The following PLCL1 variants were observed in gnomAD, a reference collection of about 807,000 sequenced individuals.
PLCL1 encodes inactive phospholipase C-like protein 1.
In PLCL1, 41 loss-of-function variants were observed where a neutral mutation model predicts 84.4. That is an observed-to-expected ratio of 0.49 (90% CI 0.38 to 0.63). PLCL1 has a LOEUF of 0.63. Among genes scored for constraint, PLCL1 ranks in the 30% least tolerant of loss-of-function variants. The pLI, the probability that PLCL1 is intolerant of heterozygous loss-of-function variation, is 0.00. For missense variants in PLCL1, 1,206 were observed against 1,367.8 expected (o/e 0.88, Z 1.87); for synonymous variants, 490 against 488.3 (o/e 1.00, Z -0.05).
intron 1 of PLCL1, among the ~76,000 whole-genome samples, chr2:198,011,029 A>G (rs1417337726): frequency 6.6e-6 from 1 of 151,542 alleles, no homozygotes; most frequent in African/African-American, 2.4e-5. Flanking sequence ...TTGTTAGTCT[A>G]GCTAAGGATT....
Position 198,085,425 on chromosome 2 carries a change from G to A in PLCL1, c.1908G>A (p.Lys636=), listed in dbSNP as rs748883786. 1 of 1,612,916 alleles carries A rather than the reference G, an allele frequency of 6.2e-7. No individual in the cohort carries two copies. Among genetic ancestry groups the A allele is most frequent in the Non-Finnish European group, 8.5e-7 (1 of 1,179,028 alleles). Residue 636 remains lysine (K), a synonymous_variant, in exon 2 of 6, where the codon AAG becomes AAA. Transcript: ENST00000428675. The surrounding 1 kb of genome is among the most constrained non-coding windows in gnomAD (Gnocchi z 5.3). ...CAGAGGATTTTGTTAATTATAATAAGAAGTTCTTATCAAGAATCTATCCAA... is the reference window on the plus strand; with the variant it reads ...CAGAGGATTTTGTTAATTATAATAAAAAGTTCTTATCAAGAATCTATCCAA... The part of the protein sequence containing the change: ...EYPEDFVNYN[K]KFLSRIYPSA...
rs75903087 is a variant in PLCL1 at position 198,052,810 on chromosome 2, G to A, written c.241-30948G>A. Among the ~76,000 whole-genome samples the A allele has an allele frequency of 2.8e-3, 422 of 152,268 alleles. 3 individuals carry two copies. Among genetic ancestry groups the A allele is most frequent in the African/African-American group, 9.5e-3 (394 of 41,550 alleles). On this transcript the variant is annotated intron_variant, in intron 1 of 5. Transcript: ENST00000428675. ...TGGCAGGGAAGAAGGGACTGACTAG[G>A]TTAAGTATCTCCTCAAGGTGCTGGA... is the stretch of plus-strand genomic sequence containing the variant.
At chr2:197,879,972 C>A (rs566907370) in intron 1 of PLCL1, among the ~76,000 whole-genome samples, 1 of 152,110 alleles carries the variant, frequency 6.6e-6, no homozygotes, top group Admixed American at 6.6e-5. Context: ...TAACTTGGAA[C>A]GATTATATTT....
At chr2:197,912,815 G>T (rs1236018739) in intron 1 of PLCL1, among the ~76,000 whole-genome samples, 1 of 97,520 alleles carries the variant, frequency 1.0e-5, no homozygotes. Context: ...GTGGGGGGAG[G>T]GGGGAGGGAT....
At chr2:198,047,021 A>C (rs1231520248) in intron 1 of PLCL1, among the ~76,000 whole-genome samples, 1 of 152,172 alleles carries the variant, frequency 6.6e-6, no homozygotes, top group Non-Finnish European at 1.5e-5. Flanking sequence ...GGGAACATCA[A>C]CTTAGTGCCA....
chr2:197,959,917 C>T lies in PLCL1; in HGVS notation c.241-123841C>T, dbSNP rs553376521. On this transcript the variant is annotated intron_variant, in intron 1 of 5. Transcript: ENST00000428675. The stretch of plus-strand genomic sequence containing the variant: ...CTGTGTGCTTCAGAGCTCTTGTAGG[C>T]GTTTAAGTTTTTAATCCTTGCCTCC... Among the ~76,000 whole-genome samples, 6 of 152,128 alleles carry T rather than the reference C, an allele frequency of 3.9e-5. No individual in the cohort carries two copies. In the South Asian group the frequency reaches 1.2e-3, roughly 32 times the overall value.
At chr2:197,953,649 A>G (rs911860114) in intron 1 of PLCL1, among the ~76,000 whole-genome samples, 1 of 152,064 alleles carries the variant, frequency 6.6e-6, no homozygotes, top group African/African-American at 2.4e-5. Context: ...ATGGACCACA[A>G]TCATGCTCTT....
intron 5 of PLCL1, among the ~76,000 whole-genome samples, chr2:198,143,236 T>C (rs1340862877): frequency 6.6e-6 from 1 of 152,124 alleles, no homozygotes; most frequent in Non-Finnish European, 1.5e-5. Context: ...TAGATTCTCA[T>C]AAGGAATACA....
chr2:197,925,073 T>G (rs1445364471), intron 1 of PLCL1, among the ~76,000 whole-genome samples: 1 of 152,204 alleles, frequency 6.6e-6, no homozygotes, highest in Non-Finnish European at 1.5e-5. Context: ...CTTTTCCTGA[T>G]GGGCTTTTGT....
chr2:198,032,848 C>T (rs2105850964), intron 1 of PLCL1, among the ~76,000 whole-genome samples: 1 of 152,212 alleles, frequency 6.6e-6, no homozygotes, highest in South Asian at 2.1e-4. Context: ...AAGTTAAATG[C>T]ATGTGTTTAT....
intron 1 of PLCL1, among the ~76,000 whole-genome samples, chr2:197,829,598 A>G (rs1295744680): frequency 6.6e-6 from 1 of 152,148 alleles, no homozygotes; most frequent in Non-Finnish European, 1.5e-5. Flanking sequence ...TTGCTGTTCT[A>G]TTATAAGTAG....
chr2:197,909,554 G>A (rs1216356562), intron 1 of PLCL1, among the ~76,000 whole-genome samples: 2 of 152,054 alleles, frequency 1.3e-5, no homozygotes, highest in African/African-American at 2.4e-5. Flanking sequence ...AGCCCCACAG[G>A]CTGACTTTGC....
intron 1 of PLCL1, among the ~76,000 whole-genome samples, chr2:198,011,778 G>C (rs1690873744): frequency 6.6e-6 from 1 of 151,914 alleles, no homozygotes; most frequent in Admixed American, 6.6e-5. Flanking sequence ...CATTTATTTA[G>C]GTGCTGTAAT....
chr2:198,022,697 C>A (rs150241907), intron 1 of PLCL1, among the ~76,000 whole-genome samples: 2 of 151,794 alleles, frequency 1.3e-5, no homozygotes, highest in Non-Finnish European at 2.9e-5. Context: ...ACAAGGGATG[C>A]GAAGGACCTC....
At chr2:198,032,500 G>A (rs1691452738) in intron 1 of PLCL1, among the ~76,000 whole-genome samples, 1 of 152,126 alleles carries the variant, frequency 6.6e-6, no homozygotes, top group Non-Finnish European at 1.5e-5. Flanking sequence ...TAACTTTGCT[G>A]TTACTTTTTA....
intron 1 of PLCL1, among the ~76,000 whole-genome samples, chr2:197,913,052 C>G (rs1382873898): frequency 6.6e-6 from 1 of 151,892 alleles, no homozygotes; most frequent in Non-Finnish European, 1.5e-5. Flanking sequence ...ACAATGTAAG[C>G]TGAAATATGT....
chr2:198,075,883 T>C (rs1866666), intron 1 of PLCL1, among the ~76,000 whole-genome samples: 65,005 of 152,086 alleles, frequency 0.43, 14,965 homozygotes, highest in Middle Eastern at 0.64. Flanking sequence ...ACAAATCACT[T>C]GTACAATGCA....
At chr2:198,053,879 G>A (rs907296907) in intron 1 of PLCL1, among the ~76,000 whole-genome samples, 2 of 152,202 alleles carry the variant, frequency 1.3e-5, no homozygotes, top group African/African-American at 2.4e-5. Flanking sequence ...TGGGTTTTGT[G>A]TAGAGCATGT....
At chr2:198,098,080 A>C (rs1461068249) in intron 3 of PLCL1, among the ~76,000 whole-genome samples, 1 of 152,192 alleles carries the variant, frequency 6.6e-6, no homozygotes, top group African/African-American at 2.4e-5. Context: ...GTTTTAAATG[A>C]TCTGAAAAGA....
Sources: gnomAD v4.1 joint callset for allele counts (sites outside exome capture counted in the v4.1 genomes callset) on GRCh38, gnomAD v4.1.1 for gene constraint, Gnocchi (gnomAD v3.1) non-coding constraint, MANE v1.5 for transcripts, NCBI Gene and HGNC (gene_info 2026-07-23, HGNC 2026-07-21) for gene names.